KCNIP1: variants seen among roughly 807,000 people sequenced by gnomAD.
KCNIP1 encodes potassium voltage-gated channel interacting protein 1, also known as A-type potassium channel modulatory protein KCNIP1.
A neutral mutation model predicts 33.0 loss-of-function variants in KCNIP1; 18 were observed. The observed-to-expected ratio is 0.55, with a 90% CI of 0.38 to 0.81. The LOEUF is 0.81. KCNIP1 is among the 30% of genes least tolerant of loss of function. The pLI, the probability that KCNIP1 is intolerant of heterozygous loss-of-function variation, is 0.00. For synonymous variants in KCNIP1, 93 were observed against 98.3 expected, an observed-to-expected ratio of 0.95 and a Z score of 0.32; for missense variants, 238 against 271.6, an observed-to-expected ratio of 0.88 and a Z score of 0.87.
chr5:170,498,346 CT>C (rs1322529726), intron 1 of KCNIP1, among the ~76,000 whole-genome samples: 1 of 152,210 alleles, frequency 6.6e-6, no homozygotes, highest in Non-Finnish European at 1.5e-5. Flanking sequence ...GGTCAAATAA[CT>C]TGCCCAAAGT....
chr5:170,453,354 G>A (rs948415084), intron 1 of KCNIP1, among the ~76,000 whole-genome samples: 3 of 152,188 alleles, frequency 2.0e-5, no homozygotes, highest in African/African-American at 7.2e-5. Context: ...CTGGCTTAGT[G>A]CTGAAGGATG....
At chr5:170,535,065 C>T (rs1223478245) in intron 1 of KCNIP1, among the ~76,000 whole-genome samples, 1 of 152,202 alleles carries the variant, frequency 6.6e-6, no homozygotes, top group African/African-American at 2.4e-5. Flanking sequence ...TTGTAGCTGA[C>T]TCAGCCAGTG....
chr5:170,386,082 G>C (rs557868940), intron 1 of KCNIP1, among the ~76,000 whole-genome samples: 1 of 150,276 alleles, frequency 6.7e-6, no homozygotes, highest in Non-Finnish European at 1.5e-5. Context: ...GCAGAGATGC[G>C]CCACTGCACT....
intron 1 of KCNIP1, among the ~76,000 whole-genome samples, chr5:170,674,158 A>AG (rs1404715248): frequency 5.7e-4 from 40 of 70,682 alleles, no homozygotes; most frequent in African/African-American, 2.8e-3. Context: ...GAAGGAAGGA[A>AG]GGAAGGAAGG....
At position 170,461,975 on chromosome 5, in the gene KCNIP1, A is replaced by G. The variant is rs544693020; in HGVS notation, c.88+108011A>G. ...TACAAAAATCAACTCAAGATGGATCAAGGGCTTAAATCTAAGACCTGAAAC... is the reference window on the plus strand; with the variant it reads ...TACAAAAATCAACTCAAGATGGATCGAGGGCTTAAATCTAAGACCTGAAAC... On this transcript the variant is annotated intron_variant, in intron 1 of 7. Transcript: ENST00000377360. 1.0e-3 allele frequency among the ~76,000 whole-genome samples: 154 copies of G among 152,334 alleles called. 1 individual carries two copies. The highest frequency in any genetic ancestry group is 3.4e-3 in the African/African-American group (141 of 41,574).
intron 1 of KCNIP1, among the ~76,000 whole-genome samples, chr5:170,551,717 A>T (rs1270999937): frequency 1.3e-5 from 2 of 151,554 alleles, no homozygotes; most frequent in Admixed American, 1.3e-4. Context: ...GTGACTGTGT[A>T]TATGAGTGCA....
rs191862082 is a variant in KCNIP1 at position 170,404,100 on chromosome 5, C to T, written c.88+50136C>T. The stretch of plus-strand genomic sequence containing the variant: ...AGGAGGCAGGGGATTATAATGAGGT[C>T]CTAACTCTGAACACAAACATGCCAG... On this transcript the variant is annotated intron_variant, in intron 1 of 7. Transcript: ENST00000377360. Among the ~76,000 whole-genome samples, 11 of 152,218 alleles carry T rather than the reference C, an allele frequency of 7.2e-5. No individual in the cohort carries two copies. The East Asian group carries it at 1.9e-3, about 27-fold the overall frequency.
chr5:170,683,207 A>C (rs1762418794), intron 1 of KCNIP1, among the ~76,000 whole-genome samples: 1 of 152,236 alleles, frequency 6.6e-6, no homozygotes, highest in Non-Finnish European at 1.5e-5. Flanking sequence ...ACAATGTGCC[A>C]GGTACAGTGC....
At chr5:170,714,678 A>G (rs1763582915) in intron 1 of KCNIP1, among the ~76,000 whole-genome samples, 1 of 152,216 alleles carries the variant, frequency 6.6e-6, no homozygotes, top group Non-Finnish European at 1.5e-5. Flanking sequence ...GTAATTTTAA[A>G]AAAAGGGTTT....
chr5:170,568,648 T>TAAAAAAAAAAAAAAAAAAA (rs33992187), intron 1 of KCNIP1, among the ~76,000 whole-genome samples: 3 of 43,730 alleles, frequency 6.9e-5, no homozygotes, highest in Non-Finnish European at 9.2e-5. Context: ...CCGTTTCTAC[T>TAAAAAAAAAAAAAAAAAAA]AAAAAAAAAA....
chr5:170,433,976 C>A (rs944297387), intron 1 of KCNIP1, among the ~76,000 whole-genome samples: 5 of 152,170 alleles, frequency 3.3e-5, no homozygotes, highest in East Asian at 1.9e-4. Context: ...CATTTCCCAG[C>A]CTGACTGCCT....
chr5:170,734,841 G>A (rs1449015620), intron 7 of KCNIP1, among the ~76,000 whole-genome samples: 2 of 152,336 alleles, frequency 1.3e-5, no homozygotes, highest in East Asian at 3.9e-4. Flanking sequence ...CAACTAGAAT[G>A]GAATGAACAC....
Position 170,736,085 on chromosome 5 carries a change from G to A in KCNIP1, c.*279G>A. 2.2e-6 allele frequency: 1 copy of A among 462,548 alleles called. No homozygotes were observed. The highest frequency in any genetic ancestry group is 3.9e-6 in the Non-Finnish European group (1 of 256,784). The allele number at this position is 462,548 out of a possible 1,614,324, so 28.7% of individuals were successfully genotyped here. On this transcript the variant is annotated 3_prime_UTR_variant, in exon 8 of 8. Transcript: ENST00000328939. ...TCATCTCCTCACACTGCTGCCCTAT[G>A]GAAGGTCCCTCTGCTTAAGCTTAAA...
intron 1 of KCNIP1, among the ~76,000 whole-genome samples, chr5:170,661,337 A>T (rs1761478048): frequency 6.6e-6 from 1 of 152,172 alleles, no homozygotes; most frequent in Non-Finnish European, 1.5e-5. Flanking sequence ...ATGACTCAGA[A>T]TGTCACATCC....
chr5:170,397,929 T>C (rs1018839018), intron 1 of KCNIP1, among the ~76,000 whole-genome samples: 4 of 152,188 alleles, frequency 2.6e-5, no homozygotes, highest in Non-Finnish European at 4.4e-5. Context: ...CATTTTCTGA[T>C]TGGCAATTGG....
intron 1 of KCNIP1, among the ~76,000 whole-genome samples, chr5:170,588,429 T>A (rs1336699302): frequency 6.6e-6 from 1 of 152,204 alleles, no homozygotes. Context: ...CCTATTTCCC[T>A]ACTGGATTAT....
chr5:170,546,672 G>A (rs751358922), intron 1 of KCNIP1, among the ~76,000 whole-genome samples: 7 of 152,180 alleles, frequency 4.6e-5, no homozygotes, highest in Non-Finnish European at 4.4e-5. Flanking sequence ...CTATTTTTGC[G>A]GCTTTTCTTT....
intron 1 of KCNIP1, among the ~76,000 whole-genome samples, chr5:170,539,683 G>A (rs1017104620): frequency 1.1e-4 from 17 of 152,142 alleles, no homozygotes; most frequent in Admixed American, 5.9e-4. Context: ...TCAAGCCCCC[G>A]AAGAGCAGGG....
intron 1 of KCNIP1, among the ~76,000 whole-genome samples, chr5:170,362,512 C>T (rs1012729769): frequency 3.9e-5 from 6 of 152,174 alleles, no homozygotes; most frequent in East Asian, 1.9e-4. Flanking sequence ...TCCCCTAAAC[C>T]GTTACCCATA....
Sources: gnomAD v4.1 joint callset for allele counts (sites outside exome capture counted in the v4.1 genomes callset) on GRCh38, gnomAD v4.1.1 for gene constraint, MANE v1.5 for transcripts, NCBI Gene and HGNC (gene_info 2026-07-23, HGNC 2026-07-21) for gene names.